Variants in SLC30A9 observed in about 807,000 individuals in gnomAD.
SLC30A9 encodes the protein solute carrier family 30 member 9, also known as proton-coupled zinc antiporter SLC30A9, mitochondrial.
In SLC30A9, 58 loss-of-function variants were observed where a neutral mutation model predicts 87.5. The ratio of observed to expected loss-of-function variants is 0.66; its 90% CI spans 0.54 to 0.82. SLC30A9 has a LOEUF of 0.82. Ranked by LOEUF, SLC30A9 falls within the 40% of genes least tolerant of loss-of-function variation. The probability of loss-of-function intolerance (pLI) is 0.00; values close to 1 mark genes in which losing one functional copy is unlikely to be tolerated. For synonymous variants in SLC30A9, 234 were observed against 233.0 expected (o/e 1.00, Z -0.04); for missense variants, 557 against 679.1 (o/e 0.82, Z 2.00).
rs765138443 is a variant in SLC30A9, at chr4:42,060,206, G to A, written c.856G>A (p.Gly286Ser). 6.2e-7 allele frequency: 1 copy of A among 1,611,488 alleles called. No homozygotes were observed. Among genetic ancestry groups the A allele is most frequent in the Non-Finnish European group, 8.5e-7 (1 of 1,178,254 alleles). ...TTCTTCATAGGGTTTACTAGCATTG[G>A]GCATCAGTAAGTCTGTTCAAACACC... is the stretch of plus-strand genomic sequence containing the variant. ...DTCNQGLLALGISKSVQTPDP... is the reference protein window; with the variant it reads ...DTCNQGLLALSISKSVQTPDP... Residue 286 changes from glycine (G) to serine (S), a missense_variant, in exon 10 of 18, where the codon GGC becomes AGC. Physicochemically the swap from Gly to Ser is moderately conservative, Grantham distance 56. Transcript: ENST00000264451.
Position 42,023,398 on chromosome 4 carries a change from A to G in SLC30A9, c.610+14A>G. 1 of 1,497,806 alleles carries G rather than the reference A, an allele frequency of 6.7e-7. No individual in the cohort carries two copies. Among genetic ancestry groups the G allele is most frequent in the Non-Finnish European group, 9.3e-7 (1 of 1,074,148 alleles). 92.8% of individuals were successfully genotyped at this position (1,497,806 alleles called of 1,614,324 possible). ...AATACAGAGAAAGTAAGTATATTCA[A>G]TTTAAAGTCAAGTTAATTGAAAAAT... On this transcript the variant is annotated intron_variant, in intron 6 of 17. Transcript: ENST00000264451.
intron 8 of SLC30A9, among the ~76,000 whole-genome samples, chr4:42,046,544 A>G (rs534313272): frequency 6.6e-6 from 1 of 152,202 alleles, no homozygotes; most frequent in Admixed American, 6.5e-5. Context: ...GGACCTCTTC[A>G]AGGAGAACTA....
chr4:42,043,227 G>GT (rs1200234754), intron 8 of SLC30A9, among the ~76,000 whole-genome samples: 1 of 152,062 alleles, frequency 6.6e-6, no homozygotes. Flanking sequence ...CGGAGAATGA[G>GT]TTTGACGAAG....
At chr4:42,027,348 G>T (rs1308962721) in intron 6 of SLC30A9, among the ~76,000 whole-genome samples, 1 of 152,182 alleles carries the variant, frequency 6.6e-6, no homozygotes, top group Non-Finnish European at 1.5e-5. Flanking sequence ...GAGTTGAGTA[G>T]CTCCGACAGA....
rs1365002837 is a variant in SLC30A9, at chr4:41,990,662, G to C, written c.11G>C (p.Gly4Ala). 6.2e-7 allele frequency: 1 copy of C among 1,606,604 alleles called. No homozygotes were observed. The highest frequency in any genetic ancestry group is 1.1e-5 in the South Asian group (1 of 90,666). ...CTCTGCCCCACCAGGATGTTACCCGGCTTGGCCGCCGCCGCGGCCCACAGA... is the reference window on the plus strand; with the variant it reads ...CTCTGCCCCACCAGGATGTTACCCGCCTTGGCCGCCGCCGCGGCCCACAGA... MLP[G>A]LAAAAAHRCS... Residue 4 changes from glycine to alanine, a missense_variant, in exon 1 of 18, where the codon GGC (glycine) becomes GCC (alanine). By Grantham distance (60) the Gly-to-Ala change is moderately conservative. Transcript: ENST00000264451.
At chr4:42,044,457 CA>C (rs1162505222) in intron 8 of SLC30A9, among the ~76,000 whole-genome samples, 1 of 147,002 alleles carries the variant, frequency 6.8e-6, no homozygotes, top group African/African-American at 2.6e-5. Flanking sequence ...CGACAAAGAT[CA>C]AAAAAGACAA....
chr4:42,017,672 A>T lies in SLC30A9; in HGVS notation c.275-439A>T, dbSNP rs76314917. On this transcript the variant is annotated intron_variant, in intron 2 of 17. Coordinates refer to ENST00000264451, the MANE Select transcript of SLC30A9 (RefSeq NM_006345.4). ...GTTGTCCCAGTCCCACTTAATAATC[A>T]TTCTTTATTGATTGAATGGTATCTC... is the stretch of plus-strand genomic sequence containing the variant. Among the ~76,000 whole-genome samples the T allele has an allele frequency of 2.3e-3, 349 of 152,182 alleles. 2 individuals carry two copies. Among genetic ancestry groups the T allele is most frequent in the African/African-American group, 8.0e-3 (334 of 41,552 alleles).
chr4:42,025,314 T>A (rs183916661), intron 6 of SLC30A9, among the ~76,000 whole-genome samples: 11 of 152,364 alleles, frequency 7.2e-5, no homozygotes, highest in African/African-American at 2.6e-4. Context: ...TGTAGTAAGC[T>A]GTCAGTCTTA....
intron 8 of SLC30A9, among the ~76,000 whole-genome samples, 164 bp downstream of exon 8, chr4:42,039,217 G>A (rs1196978485): frequency 6.6e-6 from 1 of 152,054 alleles, no homozygotes; most frequent in Non-Finnish European, 1.5e-5. Context: ...TAAAGTGGTG[G>A]GGAAAGAGCA....
chr4:42,050,361 G>A (rs1268782980), intron 9 of SLC30A9, among the ~76,000 whole-genome samples: 1 of 152,166 alleles, frequency 6.6e-6, no homozygotes, highest in Non-Finnish European at 1.5e-5. Context: ...GTGGTATGCA[G>A]TGGGAGGAGA....
At chr4:42,050,746 A>G (rs1360880863) in intron 9 of SLC30A9, among the ~76,000 whole-genome samples, 5 of 152,228 alleles carry the variant, frequency 3.3e-5, no homozygotes, top group African/African-American at 1.2e-4. Context: ...GGATAATAGC[A>G]GCATAAGACC....
At chr4:42,004,724 A>G (rs1444278222) in intron 2 of SLC30A9, among the ~76,000 whole-genome samples, 1 of 135,746 alleles carries the variant, frequency 7.4e-6, no homozygotes, top group Non-Finnish European at 1.5e-5. Flanking sequence ...CAGTGGTGTG[A>G]TCATGGTTCA....
At position 42,062,106 on chromosome 4, in the gene SLC30A9, A is replaced by C. The variant is rs1330990767; in HGVS notation, c.897-880A>C. Among the ~76,000 whole-genome samples the C allele has an allele frequency of 2.0e-5, 3 of 149,716 alleles. No individual in the cohort carries two copies. The Admixed American group carries it at 2.0e-4, about 10-fold the overall frequency. On this transcript the variant is annotated intron_variant, in intron 10 of 17. Coordinates refer to ENST00000264451, the MANE Select transcript of SLC30A9 (RefSeq NM_006345.4). ...CTACTTGGGAGGCTGAGGCAGGAGA[A>C]TCATTTGTACTCGGGAGGTGGAGGT...
At chr4:42,034,045 G>T (rs568265105) in intron 6 of SLC30A9, among the ~76,000 whole-genome samples, 1 of 149,554 alleles carries the variant, frequency 6.7e-6, no homozygotes, top group Non-Finnish European at 1.5e-5. Context: ...ACCATGAGAA[G>T]CCTTGTAAAT....
chr4:42,001,161 G>A (rs1050867195), intron 1 of SLC30A9, among the ~76,000 whole-genome samples: 3 of 151,920 alleles, frequency 2.0e-5, no homozygotes, highest in Non-Finnish European at 4.4e-5. Flanking sequence ...TTAAAAAATC[G>A]GTGACAGTAT....
intron 5 of SLC30A9, 60 bp from the exon 6 acceptor site, chr4:42,023,242 A>G: frequency 9.3e-7 from 1 of 1,081,076 alleles, no homozygotes; most frequent in Non-Finnish European, 1.4e-6. Flanking sequence ...TTAGATTTAA[A>G]TGTGATGTCA....
At chr4:42,074,330 C>T (rs1033200639) in intron 15 of SLC30A9, among the ~76,000 whole-genome samples, 5 of 152,146 alleles carry the variant, frequency 3.3e-5, no homozygotes, top group African/African-American at 7.2e-5. Context: ...TGGAGTCTTA[C>T]GTAGGCTTGT....
chr4:42,018,718 C>A (rs1715818536), intron 3 of SLC30A9, among the ~76,000 whole-genome samples: 1 of 152,144 alleles, frequency 6.6e-6, no homozygotes, highest in Non-Finnish European at 1.5e-5. Context: ...GCTGGCTGAC[C>A]TTGGGCAATT....
At chr4:42,071,681 A>T (rs1375337443) in intron 15 of SLC30A9, among the ~76,000 whole-genome samples, 4 of 151,904 alleles carry the variant, frequency 2.6e-5, no homozygotes, top group Non-Finnish European at 5.9e-5. Flanking sequence ...GTCTCAAAAA[A>T]AAAAAAAAAA....
Sources: allele counts gnomAD v4.1 joint callset (sites outside exome capture counted in the v4.1 genomes callset), GRCh38; gene constraint gnomAD v4.1.1; transcripts MANE v1.5; gene names NCBI Gene and HGNC (gene_info 2026-07-23, HGNC 2026-07-21).